RBFOX1: variants seen among roughly 807,000 people sequenced by gnomAD.
The protein encoded by RBFOX1 is RNA binding fox-1 homolog 1.
A neutral mutation model predicts 57.7 loss-of-function variants in RBFOX1; 8 were observed. The ratio of observed to expected loss-of-function variants is 0.14; its 90% CI spans 0.08 to 0.25. RBFOX1 has a LOEUF of 0.25. Ranked by LOEUF, RBFOX1 falls within the 10% of genes least tolerant of loss-of-function variation. The pLI, the probability that RBFOX1 is intolerant of heterozygous loss-of-function variation, is 1.00. For synonymous variants in RBFOX1, 326 were observed against 222.4 expected (o/e 1.47, Z -4.15); for missense variants, 611 against 548.5 (o/e 1.11, Z -1.14).
intron 4 of RBFOX1, among the ~76,000 whole-genome samples, chr16:7,346,491 A>C (rs17143468): frequency 1.3e-5 from 2 of 151,812 alleles, no homozygotes; most frequent in African/African-American, 4.8e-5. Flanking sequence ...CCTTCCTCCC[A>C]TGTTAGCATT....
intron 4 of RBFOX1, among the ~76,000 whole-genome samples, chr16:7,428,873 C>G (rs1175541722): frequency 6.6e-6 from 1 of 152,046 alleles, no homozygotes; most frequent in African/African-American, 2.4e-5. Context: ...GTAGAAGTAG[C>G]AGCAGCAGCA....
intron 4 of RBFOX1, among the ~76,000 whole-genome samples, chr16:5,989,360 C>A (rs888816919): frequency 5.3e-5 from 8 of 151,858 alleles, no homozygotes; most frequent in East Asian, 1.9e-4. Context: ...AACAAAAAAA[C>A]CCCAAAAAAC....
intron 1 of RBFOX1, among the ~76,000 whole-genome samples, chr16:5,318,728 C>T (rs975626981): frequency 3.3e-5 from 5 of 152,172 alleles, no homozygotes; most frequent in African/African-American, 1.2e-4. Context: ...CAAACGGTAA[C>T]TTAGGTACTG....
intron 1 of RBFOX1, among the ~76,000 whole-genome samples, chr16:5,438,873 C>A (rs1347073419): frequency 6.6e-6 from 1 of 151,976 alleles, no homozygotes; most frequent in East Asian, 1.9e-4. Context: ...AGGAGGTGAT[C>A]AGGATAATAA....
chr16:6,762,210 ATAAC>A (rs1398208650), intron 3 of RBFOX1, among the ~76,000 whole-genome samples: 2 of 152,180 alleles, frequency 1.3e-5, no homozygotes, highest in Non-Finnish European at 2.9e-5. Context: ...ATTAGATAAA[ATAAC>A]TAAATAATTG....
chr16:5,291,105 C>G (rs117588783), intron 1 of RBFOX1, among the ~76,000 whole-genome samples: 6 of 152,280 alleles, frequency 3.9e-5, no homozygotes, highest in Non-Finnish European at 8.8e-5. Flanking sequence ...CATGTAGGGT[C>G]TCACATTAGG....
At chr16:7,273,567 A>AT (rs1280703633) in intron 4 of RBFOX1, among the ~76,000 whole-genome samples, 1 of 152,070 alleles carries the variant, frequency 6.6e-6, no homozygotes, top group Non-Finnish European at 1.5e-5. Context: ...TTGTGCCTTC[A>AT]TTTTTTCAAT....
At chr16:5,536,071 G>A (rs2044681802) in intron 2 of RBFOX1, among the ~76,000 whole-genome samples, 1 of 150,350 alleles carries the variant, frequency 6.7e-6, no homozygotes, top group African/African-American at 2.5e-5. Context: ...TGCCAGGTAG[G>A]CTGAGAAGTC....
chr16:5,849,848 G>T (rs1352208977), intron 3 of RBFOX1, among the ~76,000 whole-genome samples: 1 of 152,126 alleles, frequency 6.6e-6, no homozygotes, highest in Non-Finnish European at 1.5e-5. Context: ...CTTTTCCCAA[G>T]AGGCATTCTG....
chr16:5,626,691 A>T (rs1047690705), intron 3 of RBFOX1, among the ~76,000 whole-genome samples: 2 of 152,032 alleles, frequency 1.3e-5, no homozygotes, highest in Non-Finnish European at 2.9e-5. Flanking sequence ...ACAACTGGTT[A>T]TACTCCCGTG....
intron 3 of RBFOX1, among the ~76,000 whole-genome samples, chr16:6,901,927 G>A (rs1226194553): frequency 2.0e-5 from 3 of 152,146 alleles, no homozygotes; most frequent in Non-Finnish European, 2.9e-5. Flanking sequence ...TTTAAGCAGG[G>A]ATTTTTTTTC....
chr16:5,401,742 T>G (rs1043005462), intron 1 of RBFOX1, among the ~76,000 whole-genome samples: 7 of 140,908 alleles, frequency 5.0e-5, no homozygotes, highest in African/African-American at 1.8e-4. Flanking sequence ...TGTCTCTTTT[T>G]CTCTCTCTCT....
At chr16:7,003,426 C>CTGCA (rs1307351445) in intron 3 of RBFOX1, among the ~76,000 whole-genome samples, 1 of 150,232 alleles carries the variant, frequency 6.7e-6, no homozygotes, top group Non-Finnish European at 1.5e-5. Context: ...CGCCACTGTA[C>CTGCA]TGCAGCCTGG....
chr16:7,483,078 G>A (rs1047122790), intron 4 of RBFOX1, among the ~76,000 whole-genome samples: 3 of 152,114 alleles, frequency 2.0e-5, no homozygotes, highest in African/African-American at 7.2e-5. Context: ...TCACTAAAAG[G>A]TGCTACCCTT....
chr16:6,418,226 G>A (rs1374688524), intron 2 of RBFOX1, among the ~76,000 whole-genome samples: 1 of 152,156 alleles, frequency 6.6e-6, no homozygotes, highest in African/African-American at 2.4e-5. Context: ...GAGACCATAT[G>A]GCATGCCCAT....
chr16:6,767,357 C>G (rs539274066), intron 3 of RBFOX1, among the ~76,000 whole-genome samples: 1 of 152,254 alleles, frequency 6.6e-6, no homozygotes, highest in South Asian at 2.1e-4. Flanking sequence ...CTCTGCCCCC[C>G]TGAGAATGTG....
intron 3 of RBFOX1, among the ~76,000 whole-genome samples, chr16:5,852,408 G>A (rs747045618): frequency 2.0e-5 from 3 of 152,148 alleles, no homozygotes; most frequent in South Asian, 2.1e-4. Context: ...AGCCCCAGCC[G>A]GATGCTATGG....
At chr16:7,707,810 G>A (rs370084433) in intron 14 of RBFOX1, among the ~76,000 whole-genome samples, 264 of 152,258 alleles carry the variant, frequency 1.7e-3, no homozygotes, top group African/African-American at 5.9e-3. Context: ...CATCTCAGAC[G>A]TTGCGTTTTT....
At chr16:6,892,960 G>C (rs563770508) in intron 3 of RBFOX1, among the ~76,000 whole-genome samples, 1 of 152,114 alleles carries the variant, frequency 6.6e-6, no homozygotes, top group East Asian at 1.9e-4. Context: ...CTCTGCTTTT[G>C]CCTTGATCTA....
Sources: allele counts gnomAD v4.1 joint callset (sites outside exome capture counted in the v4.1 genomes callset), GRCh38; gene constraint gnomAD v4.1.1; transcripts MANE v1.5; gene names NCBI Gene and HGNC (gene_info 2026-07-23, HGNC 2026-07-21).